CBY2: variants seen among roughly 807,000 people sequenced by gnomAD.
The protein encoded by CBY2 is chibby family member 2, also known as protein chibby homolog 2.
Under a neutral mutation model 25.3 loss-of-function variants are expected in CBY2, and 23 were observed. That is an observed-to-expected ratio of 0.91 (90% CI 0.65 to 1.29). The LOEUF (loss-of-function observed/expected upper bound fraction) is 1.29. CBY2 is among the 50% of genes most tolerant of loss of function. The probability of loss-of-function intolerance (pLI) is 0.00; values close to 1 mark genes in which losing one functional copy is unlikely to be tolerated. For missense variants in CBY2, 642 were observed against 590.7 expected, an observed-to-expected ratio of 1.09 and a Z score of -0.90; for synonymous variants, 279 against 260.2, an observed-to-expected ratio of 1.07 and a Z score of -0.70.
In CBY2 at chr13:45,703,516, C is replaced by T. The variant is rs555000372; in HGVS notation, c.156+661C>T. 8.4e-6 allele frequency: 13 copies of T among 1,550,846 alleles called. No individual in the cohort carries two copies. In the South Asian group the frequency reaches 1.3e-4, roughly 16 times the overall value. ...GGTGGCTTTGCTTTCTCCAGAGTCA[C>T]CTAAGTCCTCATTGGAAGACCAGGG... is the stretch of plus-strand genomic sequence containing the variant. On this transcript the variant is annotated intron_variant, in intron 2 of 2. Coordinates refer to ENST00000310521, the MANE Select transcript of CBY2 (RefSeq NM_152719.3).
intron 2 of CBY2, among the ~76,000 whole-genome samples, chr13:45,705,864 C>T (rs1383294514): frequency 6.6e-6 from 1 of 152,244 alleles, no homozygotes; most frequent in East Asian, 1.9e-4. Context: ...GTAATGTTGG[C>T]AAAGTTGGTG....
chr13:45,713,278 G>A lies in CBY2; in HGVS notation c.253G>A (p.Ala85Thr). 6.2e-7 allele frequency: 1 copy of A among 1,613,938 alleles called. No homozygotes were observed. Among genetic ancestry groups the A allele is most frequent in the African/African-American group, 1.3e-5 (1 of 75,064 alleles). Residue 85 changes from alanine to threonine, a missense_variant, in exon 3 of 3, where the codon GCG becomes ACG. By Grantham distance (58) the Ala-to-Thr change is moderately conservative (BLOSUM62 0). Transcript: ENST00000310521. This position sits in a 1 kb window ranked among gnomAD's most constrained non-coding sequence, Gnocchi z 5.0. ...AALPRLSRRM[A>T]SQHSYPLNRF... ...CCTGCCCCGGCTGAGCCGCAGGATG[G>A]CGAGCCAGCACTCCTATCCACTGAA...
intron 2 of CBY2, chr13:45,703,248 G>A: frequency 7.8e-7 from 1 of 1,287,868 alleles, no homozygotes; most frequent in South Asian, 2.2e-5. Context: ...ATGAATCCAT[G>A]AGAAGAAAAC....
chr13:45,712,517 G>A (rs1232714654), intron 2 of CBY2, among the ~76,000 whole-genome samples: 1 of 152,148 alleles, frequency 6.6e-6, no homozygotes. Context: ...GCACTTTTAT[G>A]GTAATTCTCA....
At chr13:45,709,522 C>T (rs567044740) in intron 2 of CBY2, among the ~76,000 whole-genome samples, 4 of 152,198 alleles carry the variant, frequency 2.6e-5, no homozygotes, top group South Asian at 4.2e-4. Context: ...GCTCAGTATT[C>T]GCAGATATTG....
Position 45,703,379 on chromosome 13 carries a change from G to A in CBY2, c.156+524G>A, listed in dbSNP as rs1290034996. ...AGATGCTTTTTCAGTCAATGAATTGGTGAAGTCCTCACAGGCTATAGAGTC... is the reference window on the plus strand; with the variant it reads ...AGATGCTTTTTCAGTCAATGAATTGATGAAGTCCTCACAGGCTATAGAGTC... On this transcript the variant is annotated intron_variant, in intron 2 of 2. Transcript: ENST00000310521. The A allele has an allele frequency of 4.1e-6, 6 of 1,446,416 alleles. No individual in the cohort carries two copies. The East Asian group carries it at 1.3e-4, about 30-fold the overall frequency. 89.6% of individuals were successfully genotyped at this position (1,446,416 alleles called of 1,614,324 possible). A position where few individuals can be genotyped will look rare whatever the true frequency, so the allele number is the denominator to read the frequency against.
At position 45,713,665 on chromosome 13, in the gene CBY2, GC is replaced by G. The variant is rs1566071752; in HGVS notation, c.645del (p.Ser216ArgfsTer14). On this transcript the variant is annotated frameshift_variant, in exon 3 of 3. Coordinates refer to ENST00000310521, the MANE Select transcript of CBY2 (RefSeq NM_152719.3). LOFTEE classifies it low-confidence loss of function (END_TRUNC). This position sits in a 1 kb window ranked among gnomAD's most constrained non-coding sequence, Gnocchi z 5.0. ...CTCGCTGGGCCGAGAGGAGAGCCGGGCCCCCTCGCCACTGCTGCACAAAGAC... is the reference window on the plus strand; with the variant it reads ...CTCGCTGGGCCGAGAGGAGAGCCGGGCCCCTCGCCACTGCTGCACAAAGAC... ...KASLGREESR[A>X]PSPLLHKDSA... The G allele has an allele frequency of 5.0e-6, 8 of 1,612,840 alleles. No individual in the cohort carries two copies. Among genetic ancestry groups the G allele is most frequent in the Middle Eastern group, 1.6e-4 (1 of 6,082 alleles).
chr13:45,713,759 G>C lies in CBY2; in HGVS notation c.734G>C (p.Ser245Thr). ...ALQVPRGKED[S>T]TLQLLREENR... ...CAGGTGCCCCGTGGCAAGGAGGACA[G>C]CACCCTGCAGCTCCTCCGGGAGGAG... Residue 245 changes from serine (S) to threonine (T), a missense_variant, in exon 3 of 3, where the codon AGC (serine) becomes ACC (threonine). Physicochemically the swap from Ser to Thr is moderately conservative, Grantham distance 58. Coordinates refer to ENST00000310521, the MANE Select transcript of CBY2 (RefSeq NM_152719.3). The surrounding 1 kb of genome is among the most constrained non-coding windows in gnomAD (Gnocchi z 5.0). 1 of 1,607,424 alleles carries C rather than the reference G, an allele frequency of 6.2e-7. No homozygotes were observed. Among genetic ancestry groups the C allele is most frequent in the Non-Finnish European group, 8.5e-7 (1 of 1,177,568 alleles).
Position 45,713,562 on chromosome 13 carries a change from C to A in CBY2, c.537C>A (p.Asn179Lys). 2 of 1,614,104 alleles carry A rather than the reference C, an allele frequency of 1.2e-6. No individual in the cohort carries two copies. The highest frequency in any genetic ancestry group is 8.5e-7 in the Non-Finnish European group (1 of 1,180,000). Residue 179 changes from asparagine to lysine, a missense_variant, in exon 3 of 3, where the codon AAC (asparagine) becomes AAA (lysine). By Grantham distance (94) the Asn-to-Lys change is moderately conservative. Coordinates refer to ENST00000310521, the MANE Select transcript of CBY2 (RefSeq NM_152719.3). This position sits in a 1 kb window ranked among gnomAD's most constrained non-coding sequence, Gnocchi z 5.0. ...AGAACAAGTCTCTGCGGGAGGAGAACAAGGCCCTGCGCGAGGAGAACCGGA... is the reference window on the plus strand; with the variant it reads ...AGAACAAGTCTCTGCGGGAGGAGAAAAAGGCCCTGCGCGAGGAGAACCGGA... ...QEENKSLREE[N>K]KALREENRML...
In CBY2 at chr13:45,713,475, C is replaced by T. The variant is rs373353111; in HGVS notation, c.450C>T (p.Ser150=). 112 of 1,614,092 alleles carry T rather than the reference C, an allele frequency of 6.9e-5. No individual in the cohort carries two copies. The highest frequency in any genetic ancestry group is 1.6e-4 in the Middle Eastern group (1 of 6,084). Reference sequence around the variant, plus strand: ...TGCAGTCTCCCTACTTCTCCCCATCCGCCTCCTTCCACCACAAGCTGCACC... The same window carrying T: ...TGCAGTCTCCCTACTTCTCCCCATCTGCCTCCTTCCACCACAAGCTGCACC... ...CRLQSPYFSP[S]ASFHHKLHHK... Residue 150 remains serine (S), a synonymous_variant, in exon 3 of 3, where the codon TCC becomes TCT. Coordinates refer to ENST00000310521, the MANE Select transcript of CBY2 (RefSeq NM_152719.3). This position sits in a 1 kb window ranked among gnomAD's most constrained non-coding sequence, Gnocchi z 5.0.
chr13:45,703,786 C>T (rs1950224745), intron 2 of CBY2, among the ~76,000 whole-genome samples: 1 of 152,164 alleles, frequency 6.6e-6, no homozygotes. Context: ...TTTTCTGTTA[C>T]TTTTAGCCCA....
chr13:45,706,480 C>T (rs192913796), intron 2 of CBY2, among the ~76,000 whole-genome samples: 179 of 152,278 alleles, frequency 1.2e-3, no homozygotes, highest in Non-Finnish European at 1.6e-3. Context: ...TTCTAGCACC[C>T]GACAGGAAGG....
chr13:45,702,539 A>G (rs2137497998), intron 1 of CBY2, 74 bp downstream of exon 1: 1 of 1,343,042 alleles, frequency 7.4e-7, no homozygotes, highest in Non-Finnish European at 1.1e-6. Context: ...CACTTCAAAA[A>G]CTTTCAAAAG....
In CBY2 at chr13:45,703,682, A is replaced by C; in HGVS notation, c.156+827A>C. On this transcript the variant is annotated intron_variant, in intron 2 of 2. Coordinates refer to ENST00000310521, the MANE Select transcript of CBY2 (RefSeq NM_152719.3). ...TATATATAATTGTAACAATCTAGGC[A>C]AGTATGTTCAGCGGGAGGCAAAAAT... The C allele has an allele frequency of 3.5e-6, 4 of 1,152,924 alleles. No individual in the cohort carries two copies. In the South Asian group the frequency reaches 5.6e-5, roughly 16 times the overall value. The allele number at this position is 1,152,924 out of a possible 1,614,324, so 71.4% of individuals were successfully genotyped here.
chr13:45,713,348 C>T lies in CBY2; in HGVS notation c.323C>T (p.Ser108Phe), dbSNP rs779360170. 1 of 1,614,192 alleles carries T rather than the reference C, an allele frequency of 6.2e-7. No homozygotes were observed. The highest frequency in any genetic ancestry group is 1.7e-5 in the Admixed American group (1 of 60,034). ...TTAGACCCCATGGAGCGCCCCATGT[C>T]CCAGGCCGACCTGGAGCTGGACTAC... ...VPLDPMERPM[S>F]QADLELDYNP... Residue 108 changes from serine (S) to phenylalanine (F), a missense_variant, in exon 3 of 3, where the codon TCC (serine) becomes TTC (phenylalanine). Physicochemically the swap from Ser to Phe is radical, Grantham distance 155 (BLOSUM62 -2). Transcript: ENST00000310521. This position sits in a 1 kb window ranked among gnomAD's most constrained non-coding sequence, Gnocchi z 5.0.
At chr13:45,703,565 T>G (rs1383992239) in intron 2 of CBY2, 1 of 1,551,042 alleles carries the variant, frequency 6.4e-7, no homozygotes, top group East Asian at 2.4e-5. Flanking sequence ...GGGGTTGAAA[T>G]GTAGGATGGA....
At chr13:45,702,669 A>G (rs1798722203) in intron 1 of CBY2, 106 bp from the exon 2 acceptor site, 3 of 987,484 alleles carry the variant, frequency 3.0e-6, no homozygotes, top group Non-Finnish European at 3.1e-6. Context: ...CATAATTGAC[A>G]AGAGAGAAAT....
chr13:45,713,533 G>GA lies in CBY2; in HGVS notation c.509dup (p.Glu171GlyfsTer245). The GA allele has an allele frequency of 6.2e-7, 1 of 1,614,096 alleles. No homozygotes were observed. Among genetic ancestry groups the GA allele is most frequent in the East Asian group, 2.2e-5 (1 of 44,866 alleles). ...GCTGGCCAAGGAGTGCATGCTGCAG[G>GA]AGGAGAACAAGTCTCTGCGGGAGGA... On this transcript the variant is annotated frameshift_variant, in exon 3 of 3. Coordinates refer to ENST00000310521, the MANE Select transcript of CBY2 (RefSeq NM_152719.3). LOFTEE classifies it high-confidence loss of function. This position sits in a 1 kb window ranked among gnomAD's most constrained non-coding sequence, Gnocchi z 5.0.
At chr13:45,710,320 C>T (rs1043818925) in intron 2 of CBY2, among the ~76,000 whole-genome samples, 8 of 152,160 alleles carry the variant, frequency 5.3e-5, no homozygotes, top group South Asian at 2.1e-4. Flanking sequence ...GTCAAGAGAT[C>T]GAGACCATCC....
Sources: gnomAD v4.1 joint callset for allele counts (sites outside exome capture counted in the v4.1 genomes callset) on GRCh38, gnomAD v4.1.1 for gene constraint, Gnocchi (gnomAD v3.1) non-coding constraint, MANE v1.5 for transcripts, NCBI Gene and HGNC (gene_info 2026-07-23, HGNC 2026-07-21) for gene names.